The following FHIT variants were observed in gnomAD, a reference collection of about 807,000 sequenced individuals.
FHIT encodes fragile histidine triad diadenosine triphosphatase, also known as bis(5'-adenosyl)-triphosphatase.
In FHIT, 19 loss-of-function variants were observed where a neutral mutation model predicts 17.9. That is an observed-to-expected ratio of 1.06 (90% CI 0.74 to 1.56). FHIT has a LOEUF of 1.56. Among genes scored for constraint, FHIT ranks in the 40% most tolerant of loss-of-function variants. FHIT has a pLI of 0.00. For synonymous variants in FHIT, 81 were observed against 69.7 expected (o/e 1.16, Z -0.81); for missense variants, 248 against 189.2 (o/e 1.31, Z -1.82).
At chr3:61,179,063 T>G (rs1156908780) in intron 2 of FHIT, among the ~76,000 whole-genome samples, 1 of 147,186 alleles carries the variant, frequency 6.8e-6, no homozygotes, top group East Asian at 2.2e-4. Flanking sequence ...CAGGATGGAA[T>G]GCAGCAGTGC....
chr3:61,052,392 T>G (rs577035076), intron 2 of FHIT, among the ~76,000 whole-genome samples: 1 of 152,146 alleles, frequency 6.6e-6, no homozygotes, highest in Non-Finnish European at 1.5e-5. Flanking sequence ...GTAAATAGCA[T>G]ATCCAGGACT....
intron 5 of FHIT, among the ~76,000 whole-genome samples, chr3:60,361,228 C>G (rs1381140360): frequency 6.6e-6 from 1 of 152,052 alleles, no homozygotes; most frequent in South Asian, 2.1e-4. Flanking sequence ...GATTATAATA[C>G]AATGCTATAA....
intron 3 of FHIT, among the ~76,000 whole-genome samples, chr3:61,020,280 A>G (rs1465020914): frequency 6.6e-6 from 1 of 152,142 alleles, no homozygotes; most frequent in East Asian, 1.9e-4. Context: ...GCATTTCTCT[A>G]ATGACCAGTG....
chr3:60,150,827 G>T (rs1408541320), intron 5 of FHIT, among the ~76,000 whole-genome samples: 1 of 151,920 alleles, frequency 6.6e-6, no homozygotes, highest in African/African-American at 2.4e-5. Flanking sequence ...GCTGAGGTAG[G>T]AGAATTGCTT....
At chr3:60,205,201 G>A (rs775583977) in intron 5 of FHIT, among the ~76,000 whole-genome samples, 3 of 152,004 alleles carry the variant, frequency 2.0e-5, no homozygotes, top group Non-Finnish European at 2.9e-5. Flanking sequence ...TTATGTTACC[G>A]CCACTGGACA....
chr3:61,243,430 T>C (rs1452465408), intron 1 of FHIT, among the ~76,000 whole-genome samples: 2 of 152,218 alleles, frequency 1.3e-5, no homozygotes, highest in Non-Finnish European at 2.9e-5. Context: ...ATATGGATTA[T>C]CAAGAAAATT....
intron 5 of FHIT, among the ~76,000 whole-genome samples, chr3:60,015,649 C>T (rs1700314960): frequency 6.6e-6 from 1 of 152,138 alleles, no homozygotes; most frequent in African/African-American, 2.4e-5. Context: ...CTGACTTCAC[C>T]AAACCACAGC....
chr3:60,529,105 GT>G (rs2035677920), intron 5 of FHIT, among the ~76,000 whole-genome samples: 1 of 152,176 alleles, frequency 6.6e-6, no homozygotes, highest in African/African-American at 2.4e-5. Context: ...TATTGTAGAG[GT>G]TTTTAAGGAT....
chr3:60,092,191 T>C (rs1231561889), intron 5 of FHIT, among the ~76,000 whole-genome samples: 1 of 152,176 alleles, frequency 6.6e-6, no homozygotes, highest in Non-Finnish European at 1.5e-5. Context: ...TGAATGAAAA[T>C]GAATGAAAGA....
chr3:60,058,130 G>GTTTTT (rs71089573), intron 5 of FHIT, among the ~76,000 whole-genome samples: 6 of 66,342 alleles, frequency 9.0e-5, no homozygotes, highest in Admixed American at 1.8e-4. Flanking sequence ...ACAGAGTTGT[G>GTTTTT]TTTTTTTTTT....
At chr3:59,996,703 T>C (rs1248969386) in intron 7 of FHIT, among the ~76,000 whole-genome samples, 1 of 152,020 alleles carries the variant, frequency 6.6e-6, no homozygotes, top group African/African-American at 2.4e-5. Context: ...GTATTAGACA[T>C]GAGAATAGTC....
At chr3:60,421,694 C>G (rs1005674633) in intron 5 of FHIT, among the ~76,000 whole-genome samples, 1 of 151,640 alleles carries the variant, frequency 6.6e-6, no homozygotes, top group Admixed American at 6.6e-5. Context: ...AAAGGTTTGA[C>G]CTTAACTTTC....
At chr3:60,036,652 C>A (rs140470581) in intron 5 of FHIT, among the ~76,000 whole-genome samples, 1 of 152,138 alleles carries the variant, frequency 6.6e-6, no homozygotes, top group African/African-American at 2.4e-5. Context: ...GTTTTCATTT[C>A]TTTTCCTCCT....
intron 5 of FHIT, among the ~76,000 whole-genome samples, chr3:60,468,634 T>C (rs979777759): frequency 6.6e-6 from 1 of 151,934 alleles, no homozygotes; most frequent in African/African-American, 2.4e-5. Context: ...TATCATACTA[T>C]CTATGTCTTG....
intron 5 of FHIT, among the ~76,000 whole-genome samples, chr3:60,491,361 A>G (rs2034057684): frequency 1.3e-5 from 2 of 152,078 alleles, no homozygotes; most frequent in African/African-American, 2.4e-5. Flanking sequence ...TGACACAACC[A>G]ACCTTATAAT....
Position 60,976,655 on chromosome 3 carries a change from GA to G in FHIT, c.-111+65391del, listed in dbSNP as rs1710268391. 1.3e-5 allele frequency among the ~76,000 whole-genome samples: 2 copies of G among 152,160 alleles called. 1 individual carries two copies. Among genetic ancestry groups the G allele is most frequent in the South Asian group, 4.1e-4 (2 of 4,832 alleles). On this transcript the variant is annotated intron_variant, in intron 3 of 9. Coordinates refer to ENST00000492590, the MANE Select transcript of FHIT (RefSeq NM_002012.4). The stretch of plus-strand genomic sequence containing the variant: ...GAACATGTTTTCTTAATGAACCCTT[GA>G]GAAGGACAGTGATTTGATGAATGAA...
chr3:59,765,507 T>C (rs1701748440), intron 8 of FHIT, among the ~76,000 whole-genome samples: 1 of 152,206 alleles, frequency 6.6e-6, no homozygotes, highest in African/African-American at 2.4e-5. Context: ...AGTGATATTT[T>C]TACATTAACT....
intron 5 of FHIT, among the ~76,000 whole-genome samples, chr3:60,021,058 A>AT: frequency 6.6e-6 from 1 of 152,342 alleles, no homozygotes; most frequent in Non-Finnish European, 1.5e-5. Context: ...CATAAATGAC[A>AT]CAGATGTAAT....
chr3:60,066,208 T>TA (rs201863731), intron 5 of FHIT, among the ~76,000 whole-genome samples: 23 of 151,650 alleles, frequency 1.5e-4, no homozygotes, highest in African/African-American at 4.1e-4. Context: ...CTCTTTTATT[T>TA]AAAAAAAAAT....
Sources: gnomAD v4.1 joint callset for allele counts (sites outside exome capture counted in the v4.1 genomes callset) on GRCh38, gnomAD v4.1.1 for gene constraint, MANE v1.5 for transcripts, NCBI Gene and HGNC (gene_info 2026-07-23, HGNC 2026-07-21) for gene names.